Variants in ATXN10 observed in about 807,000 individuals in gnomAD.
The protein encoded by ATXN10 is ataxin-10.
A neutral mutation model predicts 52.9 loss-of-function variants in ATXN10; 28 were observed. That is an observed-to-expected ratio of 0.53 (90% confidence interval 0.39 to 0.73). The LOEUF (loss-of-function observed/expected upper bound fraction) is 0.73. Among genes scored for constraint, ATXN10 ranks in the 30% least tolerant of loss-of-function variants. ATXN10 has a pLI of 0.00. For missense variants in ATXN10, 565 were observed against 577.0 expected (o/e 0.98, Z 0.21); for synonymous variants, 226 against 221.5 (o/e 1.02, Z -0.18).
At position 45,773,010 on chromosome 22, in the gene ATXN10, C is replaced by T. The variant is rs561116677; in HGVS notation, c.1173+32472C>T. Among the ~76,000 whole-genome samples the T allele has an allele frequency of 9.1e-4, 139 of 152,256 alleles. 1 individual carries two copies. Among genetic ancestry groups the T allele is most frequent in the African/African-American group, 2.9e-3 (122 of 41,540 alleles). ...ACTGTATTTTTAAAGTCTTTTTCCC[C>T]CAAGATATTTTTGATCTGCAGTTGA... is the stretch of plus-strand genomic sequence containing the variant. On this transcript the variant is annotated intron_variant, in intron 9 of 11. Transcript: ENST00000252934.
chr22:45,703,655 A>T (rs1025039364), intron 5 of ATXN10, among the ~76,000 whole-genome samples: 39 of 152,206 alleles, frequency 2.6e-4, no homozygotes, highest in Admixed American at 7.2e-4. Flanking sequence ...TTATATAGAC[A>T]GAGAAAAGAA....
chr22:45,675,451 T>A (rs1256887379), intron 1 of ATXN10: 1 of 152,260 alleles, frequency 6.6e-6, no homozygotes, highest in Admixed American at 6.5e-5. Flanking sequence ...GTGTGCGACT[T>A]CTCAGACTAG....
Position 45,828,325 on chromosome 22 carries a change from C to G in ATXN10, c.1238-14666C>G, listed in dbSNP as rs1484189886. ...GAAATTTTATAGCTATAAATGCTTACATTAAAAAATAAGAAAGTTCAAAGA... is the reference window on the plus strand; with the variant it reads ...GAAATTTTATAGCTATAAATGCTTAGATTAAAAAATAAGAAAGTTCAAAGA... On this transcript the variant is annotated intron_variant, in intron 10 of 11. Transcript: ENST00000252934. The surrounding 1 kb of genome is among the most constrained non-coding windows in gnomAD (Gnocchi z 4.5). Among the ~76,000 whole-genome samples the G allele has an allele frequency of 6.6e-6, 1 of 151,386 alleles. No individual in the cohort carries two copies. The highest frequency in any genetic ancestry group is 2.4e-5 in the African/African-American group (1 of 41,186).
At chr22:45,752,377 C>G (rs1198466329) in intron 9 of ATXN10, among the ~76,000 whole-genome samples, 1 of 152,110 alleles carries the variant, frequency 6.6e-6, no homozygotes, top group Non-Finnish European at 1.5e-5. Context: ...TACCTAAGTG[C>G]TTGGTATAAA....
rs3077250 is a variant in ATXN10, at chr22:45,751,427, T to TGAGAGA, written c.1173+10907_1173+10912dup. Among the ~76,000 whole-genome samples, 194 of 148,136 alleles carry TGAGAGA rather than the reference T, an allele frequency of 1.3e-3. 1 individual carries two copies. The highest frequency in any genetic ancestry group is 3.5e-3 in the Middle Eastern group (1 of 286). On this transcript the variant is annotated intron_variant, in intron 9 of 11. Transcript: ENST00000252934. ...GGTGGTGATAGGGTTTGTGTGTTTT[T>TGAGAGA]GAGAGAGAGAGAGAGAGAGAGAGGA...
rs1927253450 is a variant in ATXN10 at position 45,784,388 on chromosome 22, T to G, written c.1174-22571T>G. 6.6e-6 allele frequency among the ~76,000 whole-genome samples: 1 copy of G among 152,172 alleles called. No homozygotes were observed. ...TAGTAGGATACTTGGCACGTTTCCT[T>G]TCCCTCGCCTATTTCCCATTTTCAA... On this transcript the variant is annotated intron_variant, in intron 9 of 11. Transcript: ENST00000252934. The surrounding 1 kb of genome is among the most constrained non-coding windows in gnomAD (Gnocchi z 4.2).
chr22:45,759,565 T>A lies in ATXN10; in HGVS notation c.1173+19027T>A, dbSNP rs1461962499. On this transcript the variant is annotated intron_variant, in intron 9 of 11. Transcript: ENST00000252934. The surrounding 1 kb of genome is among the most constrained non-coding windows in gnomAD (Gnocchi z 5.4). ...TCTGATCAGGGTGAGGGTTCCGTAC[T>A]CTTCTTGTGCCATGAAGCAGGAGGA... 6.6e-6 allele frequency among the ~76,000 whole-genome samples: 1 copy of A among 152,132 alleles called. No homozygotes were observed. The highest frequency in any genetic ancestry group is 1.5e-5 in the Non-Finnish European group (1 of 68,020).
intron 9 of ATXN10, among the ~76,000 whole-genome samples, chr22:45,756,184 C>T (rs533967972): frequency 2.0e-5 from 3 of 152,186 alleles, no homozygotes; most frequent in Admixed American, 2.0e-4. Context: ...TGTGCTTTCT[C>T]ACCCAGGCTG....
At chr22:45,747,884 C>T (rs1256801361) in intron 9 of ATXN10, among the ~76,000 whole-genome samples, 1 of 152,064 alleles carries the variant, frequency 6.6e-6, no homozygotes, top group Non-Finnish European at 1.5e-5. Context: ...AGTTTGAGAG[C>T]AGCCTGGGCA....
rs941224514 is a variant in ATXN10 at position 45,701,969 on chromosome 22, G to C, written c.489-720G>C. Among the ~76,000 whole-genome samples the C allele has an allele frequency of 5.3e-5, 8 of 152,142 alleles. No homozygotes were observed. The highest frequency in any genetic ancestry group is 1.7e-4 in the African/African-American group (7 of 41,426). Reference sequence around the variant, plus strand: ...TATACCAGAAAACATATTAAGAGAGGTTCTTTGCCTTCACTTTTTATGCAT... The same window carrying C: ...TATACCAGAAAACATATTAAGAGAGCTTCTTTGCCTTCACTTTTTATGCAT... On this transcript the variant is annotated intron_variant, in intron 4 of 11. Transcript: ENST00000252934. This position sits in a 1 kb window ranked among gnomAD's most constrained non-coding sequence, Gnocchi z 4.2.
intron 9 of ATXN10, 168 bp downstream of exon 9, chr22:45,740,706 A>T: frequency 2.4e-6 from 1 of 421,748 alleles, no homozygotes; most frequent in Non-Finnish European, 4.2e-6. Flanking sequence ...ACACACACAC[A>T]CACACACACA....
At chr22:45,713,215 T>G (rs1382625080) in intron 5 of ATXN10, among the ~76,000 whole-genome samples, 2 of 152,206 alleles carry the variant, frequency 1.3e-5, no homozygotes, top group African/African-American at 4.8e-5. Context: ...CCTTCTATTT[T>G]GTATATCAGT....
rs1325929336 is a variant in ATXN10 at position 45,784,391 on chromosome 22, C to T, written c.1174-22568C>T. ...TAGGATACTTGGCACGTTTCCTTTC[C>T]CTCGCCTATTTCCCATTTTCAAGCA... is the stretch of plus-strand genomic sequence containing the variant. On this transcript the variant is annotated intron_variant, in intron 9 of 11. Transcript: ENST00000252934. This position sits in a 1 kb window ranked among gnomAD's most constrained non-coding sequence, Gnocchi z 4.2. Among the ~76,000 whole-genome samples, 2 of 152,052 alleles carry T rather than the reference C, an allele frequency of 1.3e-5. No homozygotes were observed. The highest frequency in any genetic ancestry group is 2.9e-5 in the Non-Finnish European group (2 of 68,004).
rs1458833378 is a variant in ATXN10, at chr22:45,795,750, A to G, written c.1174-11209A>G. Among the ~76,000 whole-genome samples, 1 of 152,346 alleles carries G rather than the reference A, an allele frequency of 6.6e-6. No homozygotes were observed. The highest frequency in any genetic ancestry group is 2.4e-5 in the African/African-American group (1 of 41,576). On this transcript the variant is annotated intron_variant, in intron 9 of 11. Transcript: ENST00000252934. This position sits in a 1 kb window ranked among gnomAD's most constrained non-coding sequence, Gnocchi z 4.6. ...CCTGTCTTTACTGCAGTCTCTGAAC[A>G]TAAATTGTGAAGATTTCATGGACAT...
intron 7 of ATXN10, among the ~76,000 whole-genome samples, chr22:45,729,913 T>G (rs1441097632): frequency 6.6e-6 from 1 of 152,154 alleles, no homozygotes. Context: ...AGGTTCCCAT[T>G]TTTTCTTCGG....
intron 5 of ATXN10, among the ~76,000 whole-genome samples, chr22:45,711,250 GAAAA>G (rs148335217): frequency 6.8e-6 from 1 of 147,454 alleles, no homozygotes; most frequent in Non-Finnish European, 1.5e-5. Flanking sequence ...ATAGCAGAGT[GAAAA>G]AAAAAAGCCA....
intron 9 of ATXN10, among the ~76,000 whole-genome samples, chr22:45,779,203 A>G (rs983182822): frequency 6.6e-6 from 1 of 152,152 alleles, no homozygotes; most frequent in Non-Finnish European, 1.5e-5. Flanking sequence ...TCATGTTTCT[A>G]AGTACAGAAT....
At position 45,715,755 on chromosome 22, in the gene ATXN10, T is replaced by C. The variant is rs907298099; in HGVS notation, c.648-2658T>C. Among the ~76,000 whole-genome samples, 1 of 152,234 alleles carries C rather than the reference T, an allele frequency of 6.6e-6. No individual in the cohort carries two copies. Among genetic ancestry groups the C allele is most frequent in the African/African-American group, 2.4e-5 (1 of 41,456 alleles). On this transcript the variant is annotated intron_variant, in intron 5 of 11. Transcript: ENST00000252934. The surrounding 1 kb of genome is among the most constrained non-coding windows in gnomAD (Gnocchi z 4.4). ...ACTTTCTTTTCACCTGCATGTGTCA[T>C]GTTCACTAAGGTAGACCATAGGCTG... is the stretch of plus-strand genomic sequence containing the variant.
rs918422504 is a variant in ATXN10, at chr22:45,735,536, A to T, written c.895-3195A>T. Among the ~76,000 whole-genome samples, 13 of 152,312 alleles carry T rather than the reference A, an allele frequency of 8.5e-5. No homozygotes were observed. The South Asian group carries it at 1.5e-3, about 17-fold the overall frequency. ...AGAATTCAGAGAGGTATGTGTTTAT[A>T]TGCCATAAAGGAACACTGAAATGAA... is the stretch of plus-strand genomic sequence containing the variant. On this transcript the variant is annotated intron_variant, in intron 7 of 11. Transcript: ENST00000252934.
Sources: gnomAD v4.1 joint callset for allele counts (sites outside exome capture counted in the v4.1 genomes callset) on GRCh38, gnomAD v4.1.1 for gene constraint, Gnocchi (gnomAD v3.1) non-coding constraint, MANE v1.5 for transcripts, NCBI Gene and HGNC (gene_info 2026-07-23, HGNC 2026-07-21) for gene names.